Variants in PIK3CG observed in about 807,000 individuals in gnomAD.
PIK3CG encodes phosphatidylinositol-4,5-bisphosphate 3-kinase catalytic subunit gamma.
Under a neutral mutation model 102.3 loss-of-function variants are expected in PIK3CG, and 55 were observed. That is an observed-to-expected ratio of 0.54 (90% CI 0.43 to 0.67). The LOEUF (loss-of-function observed/expected upper bound fraction) is 0.67. Ranked by LOEUF, PIK3CG falls within the 30% of genes least tolerant of loss-of-function variation. The pLI is 0.00. For missense variants in PIK3CG, 1,258 were observed against 1,391.8 expected (o/e 0.90, Z 1.53); for synonymous variants, 552 against 540.0 (o/e 1.02, Z -0.31).
chr7:106,891,015 T>A lies in PIK3CG; in HGVS notation c.3030+4723T>A, dbSNP rs1791249959. ...CCCCTGCCAGGTCCTTCATTGCATG[T>A]ATCACAAAATACATTTATTTGTACT... On this transcript the variant is annotated intron_variant, in intron 10 of 10. Transcript: ENST00000496166. This position sits in a 1 kb window ranked among gnomAD's most constrained non-coding sequence, Gnocchi z 4.4. 6.6e-6 allele frequency among the ~76,000 whole-genome samples: 1 copy of A among 152,270 alleles called. No individual in the cohort carries two copies. The highest frequency in any genetic ancestry group is 1.5e-5 in the Non-Finnish European group (1 of 68,054).
chr7:106,877,838 A>T lies in PIK3CG; in HGVS notation c.2392-1681A>T, dbSNP rs948580911. On this transcript the variant is annotated intron_variant, in intron 5 of 10. Transcript: ENST00000496166. The surrounding 1 kb of genome is among the most constrained non-coding windows in gnomAD (Gnocchi z 4.5). ...ATACAGGCAACAGTATACTTCCATT[A>T]ACCCCCGCATCCTTTGCATTATTTT... is the stretch of plus-strand genomic sequence containing the variant. 6.6e-6 allele frequency among the ~76,000 whole-genome samples: 1 copy of T among 152,180 alleles called. No individual in the cohort carries two copies. Among genetic ancestry groups the T allele is most frequent in the African/African-American group, 2.4e-5 (1 of 41,440 alleles).
chr7:106,872,861 A>G lies in PIK3CG; in HGVS notation c.2210A>G (p.Gln737Arg), dbSNP rs2116488840. ...AMLHDFTQQV[Q>R]VIEMLQKVTL... ...CTGCACGACTTTACCCAACAAGTCC[A>G]AGTAATCGAGATGTTACAAAAAGTC... Residue 737 changes from glutamine (Q) to arginine (R), a missense_variant, in exon 4 of 11, where the codon CAA becomes CGA. Transcript: ENST00000496166. The surrounding 1 kb of genome is among the most constrained non-coding windows in gnomAD (Gnocchi z 5.3). 6.2e-7 allele frequency: 1 copy of G among 1,614,224 alleles called. No individual in the cohort carries two copies. The highest frequency in any genetic ancestry group is 2.2e-5 in the East Asian group (1 of 44,888).
rs1450766338 is a variant in PIK3CG, at chr7:106,902,771, C to T, written c.3031-2338C>T. On this transcript the variant is annotated intron_variant, in intron 10 of 10. Transcript: ENST00000496166. This position sits in a 1 kb window ranked among gnomAD's most constrained non-coding sequence, Gnocchi z 4.3. Reference sequence around the variant, plus strand: ...GTTGAAAGAGTGATCTGTCATGTCGCAAATACATTTTCTTTTGTCATTAAG... The same window carrying T: ...GTTGAAAGAGTGATCTGTCATGTCGTAAATACATTTTCTTTTGTCATTAAG... Among the ~76,000 whole-genome samples the T allele has an allele frequency of 2.0e-5, 3 of 152,006 alleles. No homozygotes were observed. Among genetic ancestry groups the T allele is most frequent in the Non-Finnish European group, 4.4e-5 (3 of 67,992 alleles).
chr7:106,884,685 G>A lies in PIK3CG; in HGVS notation c.2872+419G>A, dbSNP rs1309647727. Among the ~76,000 whole-genome samples the A allele has an allele frequency of 6.6e-6, 1 of 152,184 alleles. No individual in the cohort carries two copies. Among genetic ancestry groups the A allele is most frequent in the Non-Finnish European group, 1.5e-5 (1 of 68,036 alleles). On this transcript the variant is annotated intron_variant, in intron 9 of 10. Coordinates refer to ENST00000496166, the MANE Select transcript of PIK3CG (RefSeq NM_001282426.2). The surrounding 1 kb of genome is among the most constrained non-coding windows in gnomAD (Gnocchi z 4.2). The stretch of plus-strand genomic sequence containing the variant: ...AGGATGGTTTCAGGATCATTCAAGA[G>A]CATTACGTTTATTGCACACTTTTTT...
Position 106,869,116 on chromosome 7 carries a change from C to T in PIK3CG, c.1555C>T (p.Leu519Phe), listed in dbSNP as rs2116458230. The change falls in exon 2 of 11, where the codon CTT becomes TTT. Residue 519 changes from leucine to phenylalanine, a missense_variant. Around this residue, in one of 2 missense-constraint regions of PIK3CG, gnomAD observed 832 missense variants for 787.5 expected, o/e 1.06. Coordinates refer to ENST00000496166, the MANE Select transcript of PIK3CG (RefSeq NM_001282426.2). The surrounding 1 kb of genome is among the most constrained non-coding windows in gnomAD (Gnocchi z 5.3). ...GGAGAACTCAATGTCCATCTCCATT[C>T]TTCTGGACAATTACTGCCACCCGAT... ...DKENSMSISI[L>F]LDNYCHPIAL... 4.3e-6 allele frequency: 7 copies of T among 1,614,220 alleles called. No homozygotes were observed. Among genetic ancestry groups the T allele is most frequent in the Non-Finnish European group, 5.9e-6 (7 of 1,180,042 alleles).
chr7:106,898,293 CA>C (rs1791459966), intron 10 of PIK3CG, among the ~76,000 whole-genome samples: 1 of 152,052 alleles, frequency 6.6e-6, no homozygotes, highest in African/African-American at 2.4e-5. Flanking sequence ...TTGTCAGATG[CA>C]TAGTTTGTAA....
rs188076347 is a variant in PIK3CG, at chr7:106,890,447, C to T, written c.3030+4155C>T. On this transcript the variant is annotated intron_variant, in intron 10 of 10. Coordinates refer to ENST00000496166, the MANE Select transcript of PIK3CG (RefSeq NM_001282426.2). This position sits in a 1 kb window ranked among gnomAD's most constrained non-coding sequence, Gnocchi z 4.2. ...CCGGCTGCCTCAGCCTCCCAAAGTG[C>T]TGGGACTACAGGCGTGAGCCAGCGT... Among the ~76,000 whole-genome samples, 559 of 152,370 alleles carry T rather than the reference C, an allele frequency of 3.7e-3. 1 individual carries two copies. Among genetic ancestry groups the T allele is most frequent in the Non-Finnish European group, 5.9e-3 (398 of 68,034 alleles).
Position 106,882,052 on chromosome 7 carries a change from G to A in PIK3CG, c.2539-65G>A. ...ACTAGATATGATTGCTATTTTTAAG[G>A]GAGAAGAAAAATATATTAAGTTAAT... On this transcript the variant is annotated intron_variant, in intron 6 of 10. Transcript: ENST00000496166. 6.4e-6 allele frequency: 4 copies of A among 623,378 alleles called. No homozygotes were observed. The South Asian group carries it at 2.0e-4, about 31-fold the overall frequency. The allele number at this position is 623,378 out of a possible 1,614,324, so 38.6% of individuals were successfully genotyped here. A position where few individuals can be genotyped will look rare whatever the true frequency, so the allele number is the denominator to read the frequency against.
rs1187127366 is a variant in PIK3CG at position 106,892,347 on chromosome 7, T to A, written c.3030+6055T>A. ...TATAGTTACCAGGCCTTATTCACCATATCCAAAATAGGACACTAATTCAAC... is the reference window on the plus strand; with the variant it reads ...TATAGTTACCAGGCCTTATTCACCAAATCCAAAATAGGACACTAATTCAAC... On this transcript the variant is annotated intron_variant, in intron 10 of 10. Coordinates refer to ENST00000496166, the MANE Select transcript of PIK3CG (RefSeq NM_001282426.2). The surrounding 1 kb of genome is among the most constrained non-coding windows in gnomAD (Gnocchi z 5.2). Among the ~76,000 whole-genome samples, 1 of 152,206 alleles carries A rather than the reference T, an allele frequency of 6.6e-6. No homozygotes were observed. The highest frequency in any genetic ancestry group is 1.9e-4 in the East Asian group (1 of 5,196).
intron 10 of PIK3CG, among the ~76,000 whole-genome samples, 188 bp downstream of exon 10, chr7:106,886,480 C>T (rs1028191627): frequency 6.6e-6 from 1 of 152,126 alleles, no homozygotes; most frequent in African/African-American, 2.4e-5. Flanking sequence ...TGCAAAATGA[C>T]ACTTCTCAGT....
rs201564718 is a variant in PIK3CG at position 106,867,603 on chromosome 7, G to A, written c.42G>A (p.Glu14=). Residue 14 remains glutamate (E), a synonymous_variant, in exon 2 of 11, where the codon GAG becomes GAA. Coordinates refer to ENST00000496166, the MANE Select transcript of PIK3CG (RefSeq NM_001282426.2). The surrounding 1 kb of genome is among the most constrained non-coding windows in gnomAD (Gnocchi z 5.1). ...ATAAACAGCCCGTGGTGCTGAGAGA[G>A]GACAACTGCCGAAGGCGCCGGAGGA... ...ENYKQPVVLR[E]DNCRRRRRMK... The A allele has an allele frequency of 1.2e-6, 2 of 1,606,642 alleles. No individual in the cohort carries two copies. Among genetic ancestry groups the A allele is most frequent in the East Asian group, 2.2e-5 (1 of 44,800 alleles).
intron 5 of PIK3CG, among the ~76,000 whole-genome samples, chr7:106,878,031 A>G (rs576080590): frequency 6.6e-6 from 1 of 152,340 alleles, no homozygotes; most frequent in South Asian, 2.1e-4. Context: ...ATATCGGTCC[A>G]CATTTCCTTG....
In PIK3CG at chr7:106,908,240, C is replaced by T. The variant is rs1013586069; in HGVS notation, c.*2853C>T. The stretch of plus-strand genomic sequence containing the variant: ...CAGTTGTCACACCAAGCACAGTGCC[C>T]TTCTGAGCATGAGGCTCTGTGTGAC... On this transcript the variant is annotated 3_prime_UTR_variant, in exon 11 of 11. Transcript: ENST00000496166. This position sits in a 1 kb window ranked among gnomAD's most constrained non-coding sequence, Gnocchi z 4.1. Among the ~76,000 whole-genome samples the T allele has an allele frequency of 6.6e-6, 1 of 152,148 alleles. No individual in the cohort carries two copies. The highest frequency in any genetic ancestry group is 2.4e-5 in the African/African-American group (1 of 41,432).
At position 106,874,393 on chromosome 7, in the gene PIK3CG, T is replaced by C. The variant is rs1037736329; in HGVS notation, c.2288-307T>C. Reference sequence around the variant, plus strand: ...AAACTACAGTATTAATTCCTTAGCATCACCCTCAGAGCATACTTCTCTACT... The same window carrying C: ...AAACTACAGTATTAATTCCTTAGCACCACCCTCAGAGCATACTTCTCTACT... On this transcript the variant is annotated intron_variant, in intron 4 of 10. Transcript: ENST00000496166. This position sits in a 1 kb window ranked among gnomAD's most constrained non-coding sequence, Gnocchi z 4.3. Among the ~76,000 whole-genome samples, 1 of 152,236 alleles carries C rather than the reference T, an allele frequency of 6.6e-6. No homozygotes were observed. Among genetic ancestry groups the C allele is most frequent in the Non-Finnish European group, 1.5e-5 (1 of 68,044 alleles).
rs1334878585 is a variant in PIK3CG at position 106,892,977 on chromosome 7, A to G, written c.3030+6685A>G. Among the ~76,000 whole-genome samples the G allele has an allele frequency of 6.6e-6, 1 of 152,178 alleles. No homozygotes were observed. The highest frequency in any genetic ancestry group is 2.4e-5 in the African/African-American group (1 of 41,438). ...TGGTATTTCTGGAAGTGTGTAGTAG[A>G]ATTTGAGTCAAGAAAGGAAATTTGG... On this transcript the variant is annotated intron_variant, in intron 10 of 10. Transcript: ENST00000496166. This position sits in a 1 kb window ranked among gnomAD's most constrained non-coding sequence, Gnocchi z 5.2.
At position 106,903,434 on chromosome 7, in the gene PIK3CG, T is replaced by C. The variant is rs1009448662; in HGVS notation, c.3031-1675T>C. Among the ~76,000 whole-genome samples, 2 of 151,920 alleles carry C rather than the reference T, an allele frequency of 1.3e-5. No homozygotes were observed. Among genetic ancestry groups the C allele is most frequent in the Admixed American group, 1.3e-4 (2 of 15,254 alleles). ...TGAGGGATGTTCAAAAACTGACTCA[T>C]TGCTCTTCAGAGATTAAAGTTTTAT... On this transcript the variant is annotated intron_variant, in intron 10 of 10. Transcript: ENST00000496166. This position sits in a 1 kb window ranked among gnomAD's most constrained non-coding sequence, Gnocchi z 4.3.
Position 106,868,088 on chromosome 7 carries a change from C to A in PIK3CG, c.527C>A (p.Thr176Lys). 6.2e-7 allele frequency: 1 copy of A among 1,612,896 alleles called. No homozygotes were observed. Among genetic ancestry groups the A allele is most frequent in the Non-Finnish European group, 8.5e-7 (1 of 1,179,276 alleles). Residue 176 changes from threonine (T) to lysine (K), a missense_variant, in exon 2 of 11, where the codon ACG (threonine) becomes AAG (lysine). Physicochemically the swap from Thr to Lys is moderately conservative, Grantham distance 78 (BLOSUM62 -1). Coordinates refer to ENST00000496166, the MANE Select transcript of PIK3CG (RefSeq NM_001282426.2). This position sits in a 1 kb window ranked among gnomAD's most constrained non-coding sequence, Gnocchi z 6.2. Reference sequence around the variant, plus strand: ...GTGCACGACGATGAGCTGGAGTTCACGCGCCGTGGCTTGGTGACCCCGCGC... The same window carrying A: ...GTGCACGACGATGAGCTGGAGTTCAAGCGCCGTGGCTTGGTGACCCCGCGC... ...SNVHDDELEF[T>K]RRGLVTPRMA... is the part of the protein sequence containing the mutation.
chr7:106,885,334 G>T (rs1791054503), intron 9 of PIK3CG, among the ~76,000 whole-genome samples: 1 of 152,158 alleles, frequency 6.6e-6, no homozygotes, highest in Non-Finnish European at 1.5e-5. Context: ...ATGTTGCAGA[G>T]AAAGAACAGA....
rs1791650915 is a variant in PIK3CG at position 106,905,006 on chromosome 7, T to C, written c.3031-103T>C. On this transcript the variant is annotated intron_variant, in intron 10 of 10. Coordinates refer to ENST00000496166, the MANE Select transcript of PIK3CG (RefSeq NM_001282426.2). The surrounding 1 kb of genome is among the most constrained non-coding windows in gnomAD (Gnocchi z 5.6). ...CAGGGACCTTGATGGTTTCTTCTCA[T>C]GGACAGGTAACTCTATGTACATTTC... The C allele has an allele frequency of 9.9e-7, 1 of 1,005,032 alleles. No individual in the cohort carries two copies. The highest frequency in any genetic ancestry group is 1.6e-5 in the South Asian group (1 of 63,632). 62.3% of individuals were successfully genotyped at this position (1,005,032 alleles called of 1,614,324 possible). A position where few individuals can be genotyped will look rare whatever the true frequency, so the allele number is the denominator to read the frequency against.
Sources: allele counts gnomAD v4.1 joint callset (sites outside exome capture counted in the v4.1 genomes callset), GRCh38; gene constraint gnomAD v4.1.1; regional missense constraint gnomAD v4.1.1; non-coding constraint Gnocchi (gnomAD v3.1); transcripts MANE v1.5; gene names NCBI Gene and HGNC (gene_info 2026-07-23, HGNC 2026-07-21).